EYA3: variants seen among roughly 807,000 people sequenced by gnomAD.
The protein encoded by EYA3 is EYA transcriptional coactivator and phosphatase 3, also known as protein phosphatase EYA3.
EYA3 carries 39 observed loss-of-function variants against 80.0 expected under a neutral mutation model. That is an observed-to-expected ratio of 0.49 (90% CI 0.38 to 0.64). EYA3 has a LOEUF of 0.64. Ranked by LOEUF, EYA3 falls within the 30% of genes least tolerant of loss-of-function variation. The probability of loss-of-function intolerance (pLI) is 0.00; values close to 1 mark genes in which losing one functional copy is unlikely to be tolerated. For synonymous variants in EYA3, 206 were observed against 232.8 expected (o/e 0.88, Z 1.05); for missense variants, 523 against 676.1 (o/e 0.77, Z 2.51).
intron 6 of EYA3, among the ~76,000 whole-genome samples, chr1:28,028,383 C>A (rs1380533930): frequency 6.6e-6 from 1 of 152,172 alleles, no homozygotes; most frequent in Non-Finnish European, 1.5e-5. Context: ...TTAAATACTT[C>A]TCTGCCTTCT....
At chr1:28,083,221 T>A (rs1571985350) in intron 1 of EYA3, among the ~76,000 whole-genome samples, 7 of 152,316 alleles carry the variant, frequency 4.6e-5, no homozygotes, top group Admixed American at 4.6e-4. Flanking sequence ...AAAATGGAGA[T>A]AGTAAGAAGA....
intron 10 of EYA3, among the ~76,000 whole-genome samples, chr1:28,004,740 A>G (rs1641147731): frequency 6.6e-6 from 1 of 151,954 alleles, no homozygotes; most frequent in Non-Finnish European, 1.5e-5. Context: ...AAAAAGACAA[A>G]TGATCCCAAA....
chr1:28,061,419 C>T (rs1644619204), intron 1 of EYA3, among the ~76,000 whole-genome samples: 1 of 152,096 alleles, frequency 6.6e-6, no homozygotes, highest in Non-Finnish European at 1.5e-5. Flanking sequence ...GACTTCATAC[C>T]ATTTTCCACA....
intron 15 of EYA3, 82 bp downstream of exon 15, chr1:27,989,615 A>G (rs1169522782): frequency 1.6e-5 from 14 of 878,706 alleles, no homozygotes; most frequent in Admixed American, 2.4e-5. Flanking sequence ...CCCAAACCCT[A>G]TTTTAGAGAA....
At chr1:28,080,406 G>A (rs559673678) in intron 1 of EYA3, among the ~76,000 whole-genome samples, 5 of 152,244 alleles carry the variant, frequency 3.3e-5, no homozygotes, top group South Asian at 2.1e-4. Flanking sequence ...GCAGTGAGCC[G>A]TGATAGCGTC....
chr1:27,997,732 G>A (rs1640557647), intron 12 of EYA3, among the ~76,000 whole-genome samples: 1 of 152,164 alleles, frequency 6.6e-6, no homozygotes. Flanking sequence ...CTTGGGGCAG[G>A]AGCCACATCT....
rs752542143 is a variant in EYA3 at position 27,978,410 on chromosome 1, A to G, written c.1605T>C (p.Ile535=). Residue 535 remains isoleucine, a synonymous_variant, in exon 17 of 18, where the codon ATT becomes ATC. Coordinates refer to ENST00000373871, the MANE Select transcript of EYA3 (RefSeq NM_001990.4). ...CAATTTCTTCATCTCGTCCATCTCC[A>G]ATCACTACATATGTGACTTTCTTTC... is the stretch of plus-strand genomic sequence containing the variant. The part of the protein sequence containing the change: ...RFGKKVTYVV[I]GDGRDEEIAA... 38 of 1,614,022 alleles carry G rather than the reference A, an allele frequency of 2.4e-5. No individual in the cohort carries two copies. The highest frequency in any genetic ancestry group is 3.4e-6 in the Non-Finnish European group (4 of 1,180,020).
At chr1:28,004,307 A>T in intron 11 of EYA3, 29 bp downstream of exon 11, 1 of 1,482,314 alleles carries the variant, frequency 6.7e-7, no homozygotes, top group Non-Finnish European at 9.4e-7. Context: ...CAGAAGAGGG[A>T]CAGTTACAAC....
Position 28,085,438 on chromosome 1 carries a change from G to A in EYA3, c.-69+3086C>T, listed in dbSNP as rs138122470. 2.0e-3 allele frequency among the ~76,000 whole-genome samples: 301 copies of A among 152,170 alleles called. 2 individuals are homozygous for A. Among genetic ancestry groups the A allele is most frequent in the African/African-American group, 7.0e-3 (292 of 41,506 alleles). The stretch of plus-strand genomic sequence containing the variant: ...CACTACAGCCTGGCCAACAGAGCAA[G>A]GTTTTGTTTTGTTTTTTGTCTCAAA... On this transcript the variant is annotated intron_variant, in intron 1 of 17. Transcript: ENST00000373871.
chr1:28,059,351 C>T (rs72875053), intron 1 of EYA3, among the ~76,000 whole-genome samples: 326 of 152,302 alleles, frequency 2.1e-3, no homozygotes, highest in African/African-American at 5.3e-3. Flanking sequence ...GTAGCTCATA[C>T]ACAGAGCCTC....
intron 17 of EYA3, 141 bp downstream of exon 17, chr1:27,978,231 CTT>C (rs1192140846): frequency 1.7e-6 from 1 of 602,986 alleles, no homozygotes; most frequent in Non-Finnish European, 2.8e-6. Flanking sequence ...AAAAGACCCT[CTT>C]TTTCTTTAAA....
At chr1:28,025,872 T>A (rs758832355) in intron 7 of EYA3, among the ~76,000 whole-genome samples, 1 of 152,200 alleles carries the variant, frequency 6.6e-6, no homozygotes, top group Admixed American at 6.5e-5. Flanking sequence ...GCGATTCTCA[T>A]ACCTCGGCCT....
chr1:27,996,069 C>T (rs973617521), intron 13 of EYA3, among the ~76,000 whole-genome samples: 7 of 152,230 alleles, frequency 4.6e-5, no homozygotes, highest in Admixed American at 1.3e-4. Flanking sequence ...GACGGGGTTT[C>T]GCCATGTTAG....
intron 6 of EYA3, among the ~76,000 whole-genome samples, chr1:28,035,204 A>G (rs945175331): frequency 9.9e-5 from 15 of 152,162 alleles, no homozygotes; most frequent in African/African-American, 3.6e-4. Context: ...TGTTAGCAAG[A>G]AATTGGCCAC....
At chr1:27,983,906 C>T (rs1263887824) in intron 16 of EYA3, among the ~76,000 whole-genome samples, 1 of 152,210 alleles carries the variant, frequency 6.6e-6, no homozygotes, top group Admixed American at 6.5e-5. Context: ...CCACCCACCT[C>T]GGCCTCCCAA....
chr1:28,045,055 G>C (rs1029054654), intron 3 of EYA3, among the ~76,000 whole-genome samples: 1 of 152,176 alleles, frequency 6.6e-6, no homozygotes, highest in Non-Finnish European at 1.5e-5. Context: ...ACAGGTGTGA[G>C]CCACAGTGTC....
chr1:28,054,895 G>C (rs1644384887), intron 2 of EYA3, among the ~76,000 whole-genome samples: 1 of 152,106 alleles, frequency 6.6e-6, no homozygotes, highest in African/African-American at 2.4e-5. Flanking sequence ...TTGTTTGTTT[G>C]TTTTAATTTA....
At chr1:28,006,793 T>C (rs72875038) in intron 10 of EYA3, among the ~76,000 whole-genome samples, 351 of 152,288 alleles carry the variant, frequency 2.3e-3, no homozygotes, top group African/African-American at 5.9e-3. Flanking sequence ...GTTTTACTCC[T>C]GAGACAAGGA....
intron 7 of EYA3, among the ~76,000 whole-genome samples, chr1:28,021,903 C>A (rs926028410): frequency 1.3e-5 from 2 of 152,072 alleles, no homozygotes; most frequent in Non-Finnish European, 2.9e-5. Context: ...CCGCGCCCAG[C>A]CTAAAATCAT....
Sources: allele counts gnomAD v4.1 joint callset (sites outside exome capture counted in the v4.1 genomes callset), GRCh38; gene constraint gnomAD v4.1.1; transcripts MANE v1.5; gene names NCBI Gene and HGNC (gene_info 2026-07-23, HGNC 2026-07-21).